Variants in MBOAT1 observed in about 807,000 individuals in gnomAD.
MBOAT1 encodes the protein membrane bound glycerophospholipid O-acyltransferase 1.
A neutral mutation model predicts 64.4 loss-of-function variants in MBOAT1; 67 were observed. That is an observed-to-expected ratio of 1.04 (90% confidence interval 0.85 to 1.27). MBOAT1 has a LOEUF of 1.27. Among genes scored for constraint, MBOAT1 ranks in the 50% most tolerant of loss-of-function variants. MBOAT1 has a pLI of 0.00. For synonymous variants in MBOAT1, 229 were observed against 218.9 expected (o/e 1.05, Z -0.41); for missense variants, 563 against 604.6 (o/e 0.93, Z 0.72).
At chr6:20,150,968 T>C (rs781169515) in intron 3 of MBOAT1, among the ~76,000 whole-genome samples, 1 of 152,138 alleles carries the variant, frequency 6.6e-6, no homozygotes, top group Non-Finnish European at 1.5e-5. Context: ...TGACATATTC[T>C]CTTTCACCTG....
chr6:20,178,932 GTTT>G (rs74601724), intron 1 of MBOAT1, among the ~76,000 whole-genome samples: 2 of 148,024 alleles, frequency 1.4e-5, no homozygotes, highest in Admixed American at 1.3e-4. Flanking sequence ...TTTTTAATGG[GTTT>G]TTTTTTTTCC....
intron 1 of MBOAT1, among the ~76,000 whole-genome samples, chr6:20,156,784 T>A (rs931573395): frequency 2.6e-5 from 4 of 152,234 alleles, no homozygotes; most frequent in Non-Finnish European, 5.9e-5. Flanking sequence ...GCACATTGAT[T>A]TTGTATCCTG....
At chr6:20,112,201 A>C (rs1760190688) in intron 11 of MBOAT1, among the ~76,000 whole-genome samples, 1 of 152,010 alleles carries the variant, frequency 6.6e-6, no homozygotes, top group Admixed American at 6.6e-5. Flanking sequence ...GAAAGCACTG[A>C]ATCGCAATTA....
chr6:20,151,868 T>C (rs1433899732), intron 2 of MBOAT1, among the ~76,000 whole-genome samples: 1 of 152,214 alleles, frequency 6.6e-6, no homozygotes, highest in Admixed American at 6.5e-5. Context: ...AACGCATTGT[T>C]CTACTCTGGT....
chr6:20,210,512 G>A (rs1441421238), intron 1 of MBOAT1, among the ~76,000 whole-genome samples: 1 of 152,064 alleles, frequency 6.6e-6, no homozygotes, highest in Non-Finnish European at 1.5e-5. Flanking sequence ...ACTGACCTAA[G>A]AGCTAAGAGA....
chr6:20,181,288 C>T (rs567342223), intron 1 of MBOAT1, among the ~76,000 whole-genome samples: 1 of 152,272 alleles, frequency 6.6e-6, no homozygotes, highest in South Asian at 2.1e-4. Flanking sequence ...GATAAAGCCA[C>T]CACAGGTGGA....
At chr6:20,193,763 C>A (rs1400886950) in intron 1 of MBOAT1, among the ~76,000 whole-genome samples, 1 of 152,000 alleles carries the variant, frequency 6.6e-6, no homozygotes, top group Non-Finnish European at 1.5e-5. Flanking sequence ...CCCGCCACCA[C>A]ACCCAGCTAA....
At chr6:20,147,773 C>A (rs1761369901) in intron 3 of MBOAT1, among the ~76,000 whole-genome samples, 1 of 152,116 alleles carries the variant, frequency 6.6e-6, no homozygotes, top group East Asian at 1.9e-4. Context: ...AGAAAAAAAA[C>A]TATATTCCAT....
chr6:20,179,223 C>T (rs1435807553), intron 1 of MBOAT1, among the ~76,000 whole-genome samples: 2 of 151,960 alleles, frequency 1.3e-5, no homozygotes, highest in Non-Finnish European at 2.9e-5. Flanking sequence ...GCCCCAAAAC[C>T]CTCAGCTGTA....
At chr6:20,193,929 T>C (rs1181800136) in intron 1 of MBOAT1, among the ~76,000 whole-genome samples, 2 of 152,172 alleles carry the variant, frequency 1.3e-5, no homozygotes, top group Non-Finnish European at 2.9e-5. Context: ...TTACTGAAAA[T>C]GAATTAGAAT....
chr6:20,151,725 C>G (rs963391048), intron 2 of MBOAT1, among the ~76,000 whole-genome samples: 3 of 152,176 alleles, frequency 2.0e-5, no homozygotes, highest in African/African-American at 7.2e-5. Flanking sequence ...AGGTGTACTT[C>G]TCAATATGTT....
chr6:20,191,460 AT>A lies in MBOAT1; in HGVS notation c.99+20675del, dbSNP rs201429610. 9.8e-3 allele frequency among the ~76,000 whole-genome samples: 1,490 copies of A among 152,360 alleles called. 19 individuals carry two copies. Among genetic ancestry groups the A allele is most frequent in the African/African-American group, 0.033 (1,357 of 41,572 alleles). ...CTCCAACAATGTCTCCTCATAAGAA[AT>A]AGGTTCAAGGCCACACTTTCATGCT... On this transcript the variant is annotated intron_variant, in intron 1 of 12. Coordinates refer to ENST00000324607, the MANE Select transcript of MBOAT1 (RefSeq NM_001080480.3).
rs767227507 is a variant in MBOAT1, at chr6:20,151,145, AG to A, written c.323+39del. 2.1e-6 allele frequency: 3 copies of A among 1,459,108 alleles called. No homozygotes were observed. In the African/African-American group the frequency reaches 4.2e-5, roughly 20 times the overall value. 90.4% of individuals were successfully genotyped at this position (1,459,108 alleles called of 1,614,324 possible). A position where few individuals can be genotyped will look rare whatever the true frequency, so the allele number is the denominator to read the frequency against. On this transcript the variant is annotated intron_variant, in intron 3 of 12. Coordinates refer to ENST00000324607, the MANE Select transcript of MBOAT1 (RefSeq NM_001080480.3). Reference sequence around the variant, plus strand: ...ATATATTTCAAAGATCACAAAAAAAAGAAAATCTCACCTTGCATTGTTCATT... The same window carrying A: ...ATATATTTCAAAGATCACAAAAAAAAAAAATCTCACCTTGCATTGTTCATT...
At chr6:20,114,921 C>G (rs1342989271) in intron 10 of MBOAT1, among the ~76,000 whole-genome samples, 1 of 151,812 alleles carries the variant, frequency 6.6e-6, no homozygotes, top group African/African-American at 2.4e-5. Flanking sequence ...TGAAACCAGA[C>G]CATTTGAGCT....
intron 4 of MBOAT1, among the ~76,000 whole-genome samples, chr6:20,138,753 C>T (rs143053571): frequency 1.3e-5 from 2 of 152,302 alleles, no homozygotes; most frequent in Admixed American, 6.5e-5. Context: ...CATAAAACAA[C>T]GCACATGAGC....
At chr6:20,182,494 C>T (rs932425516) in intron 1 of MBOAT1, among the ~76,000 whole-genome samples, 1 of 152,152 alleles carries the variant, frequency 6.6e-6, no homozygotes, top group African/African-American at 2.4e-5. Flanking sequence ...AATTAAGGAC[C>T]TCTCATTTCT....
At chr6:20,187,677 A>G (rs948228920) in intron 1 of MBOAT1, among the ~76,000 whole-genome samples, 3 of 152,250 alleles carry the variant, frequency 2.0e-5, no homozygotes, top group African/African-American at 7.2e-5. Context: ...ATAAGTCAAA[A>G]AAAGAATAAT....
intron 1 of MBOAT1, among the ~76,000 whole-genome samples, chr6:20,155,895 A>C (rs535231301): frequency 1.3e-5 from 2 of 152,288 alleles, no homozygotes; most frequent in Admixed American, 1.3e-4. Context: ...AGTTTTCCCC[A>C]ATCCCTTTTG....
chr6:20,199,608 C>T (rs754523755), intron 1 of MBOAT1, among the ~76,000 whole-genome samples: 8 of 152,170 alleles, frequency 5.3e-5, no homozygotes, highest in South Asian at 2.1e-4. Context: ...TCCTTCCTTC[C>T]ACAATTTATA....
Sources: allele counts gnomAD v4.1 joint callset (sites outside exome capture counted in the v4.1 genomes callset), GRCh38; gene constraint gnomAD v4.1.1; transcripts MANE v1.5; gene names NCBI Gene and HGNC (gene_info 2026-07-23, HGNC 2026-07-21).